The following FER variants were observed in gnomAD, a reference collection of about 807,000 sequenced individuals.
FER encodes the protein tyrosine-protein kinase Fer.
Under a neutral mutation model 111.0 loss-of-function variants are expected in FER, and 63 were observed. The ratio of observed to expected loss-of-function variants is 0.57; its 90% CI spans 0.46 to 0.70. FER has a LOEUF of 0.70. Among genes scored for constraint, FER ranks in the 30% least tolerant of loss-of-function variants. FER has a pLI of 0.00. For synonymous variants in FER, 327 were observed against 313.9 expected (o/e 1.04, Z -0.44); for missense variants, 914 against 954.0 (o/e 0.96, Z 0.55).
rs1044931098 is a variant in FER at position 109,090,964 on chromosome 5, T to C, written c.1925-9432T>C. Among the ~76,000 whole-genome samples the C allele has an allele frequency of 6.6e-5, 10 of 152,160 alleles. No homozygotes were observed. The East Asian group carries it at 1.9e-3, about 30-fold the overall frequency. ...CTTCTCTTGAATGCTTCTAGGAAAA[T>C]GTGAGAAGACAGATACAGATTAAAG... On this transcript the variant is annotated intron_variant, in intron 16 of 19. Transcript: ENST00000281092.
chr5:108,791,584 A>G (rs943671375), intron 2 of FER, among the ~76,000 whole-genome samples: 3 of 149,286 alleles, frequency 2.0e-5, no homozygotes, highest in Non-Finnish European at 4.4e-5. Flanking sequence ...TGATATATAT[A>G]TATACATATA....
At chr5:109,140,766 C>G (rs1358916480) in intron 17 of FER, among the ~76,000 whole-genome samples, 2 of 152,100 alleles carry the variant, frequency 1.3e-5, no homozygotes, top group African/African-American at 4.8e-5. Flanking sequence ...TCTGAGCCAT[C>G]TGATAATAGG....
intron 4 of FER, 71 bp from the exon 5 acceptor site, chr5:108,835,637 T>A (rs928315046): frequency 1.8e-5 from 18 of 985,888 alleles, no homozygotes; most frequent in Non-Finnish European, 2.7e-5. Flanking sequence ...GTTAATACTT[T>A]GGAATTTAAG....
chr5:109,026,225 A>G (rs1768713664), intron 13 of FER, among the ~76,000 whole-genome samples: 1 of 152,204 alleles, frequency 6.6e-6, no homozygotes, highest in Non-Finnish European at 1.5e-5. Context: ...TACACATACA[A>G]GAACTATTTT....
At chr5:108,820,736 T>C (rs1343304660) in intron 3 of FER, among the ~76,000 whole-genome samples, 3 of 152,176 alleles carry the variant, frequency 2.0e-5, no homozygotes, top group Non-Finnish European at 2.9e-5. Context: ...TTTAAAAAAT[T>C]TAGTCTTTGT....
chr5:109,166,617 T>G (rs1756585182), intron 17 of FER, among the ~76,000 whole-genome samples: 1 of 152,196 alleles, frequency 6.6e-6, no homozygotes, highest in African/African-American at 2.4e-5. Flanking sequence ...ACACAACTGT[T>G]TATTTCTTAT....
chr5:108,883,903 A>T (rs1213523684), intron 9 of FER, among the ~76,000 whole-genome samples: 1 of 151,898 alleles, frequency 6.6e-6, no homozygotes, highest in African/African-American at 2.4e-5. Context: ...AATAGTCTCT[A>T]CTCTGTTAAA....
intron 13 of FER, among the ~76,000 whole-genome samples, chr5:108,991,189 C>T (rs1298012860): frequency 6.6e-6 from 1 of 151,642 alleles, no homozygotes; most frequent in Non-Finnish European, 1.5e-5. Flanking sequence ...CATAGCATGT[C>T]TGTCTCATTT....
At chr5:109,165,569 C>A (rs528686770) in intron 17 of FER, among the ~76,000 whole-genome samples, 2 of 150,822 alleles carry the variant, frequency 1.3e-5, no homozygotes, top group South Asian at 4.2e-4. Context: ...AAAGTGCACA[C>A]CACACAGGTG....
intron 13 of FER, among the ~76,000 whole-genome samples, chr5:109,022,189 G>T (rs1459542520): frequency 1.3e-5 from 2 of 151,990 alleles, no homozygotes; most frequent in Non-Finnish European, 2.9e-5. Context: ...CAGCAACCCT[G>T]AGCCCACTTC....
chr5:108,951,776 C>T (rs1414752509), intron 11 of FER, among the ~76,000 whole-genome samples: 2 of 151,864 alleles, frequency 1.3e-5, no homozygotes, highest in Non-Finnish European at 2.9e-5. Flanking sequence ...AGAATCTAGA[C>T]CAGATATTTT....
chr5:109,176,589 A>G (rs1360545111), intron 17 of FER, among the ~76,000 whole-genome samples: 1 of 152,134 alleles, frequency 6.6e-6, no homozygotes. Context: ...AATAAGGTTA[A>G]TTTATTCTAT....
chr5:109,129,897 A>G (rs1401127111), intron 17 of FER, among the ~76,000 whole-genome samples: 1 of 152,072 alleles, frequency 6.6e-6, no homozygotes, highest in Non-Finnish European at 1.5e-5. Context: ...TTTTTGGGAA[A>G]ATCCTACATC....
intron 3 of FER, among the ~76,000 whole-genome samples, chr5:108,816,077 A>C (rs1175688920): frequency 2.6e-5 from 4 of 152,042 alleles, no homozygotes; most frequent in Non-Finnish European, 5.9e-5. Context: ...CCGCCCCCCC[A>C]AACACACACA....
intron 2 of FER, among the ~76,000 whole-genome samples, chr5:108,782,030 T>A (rs1207158438): frequency 6.6e-6 from 1 of 152,138 alleles, no homozygotes; most frequent in Non-Finnish European, 1.5e-5. Flanking sequence ...TCCCCCTGGC[T>A]TTTTAAGTTT....
chr5:108,881,243 G>T (rs184369148), intron 8 of FER, among the ~76,000 whole-genome samples: 2 of 152,254 alleles, frequency 1.3e-5, no homozygotes, highest in East Asian at 3.9e-4. Context: ...GGAAGACAAA[G>T]AAGTTTAATG....
chr5:109,112,068 C>CT (rs35931371), intron 17 of FER, among the ~76,000 whole-genome samples: 2 of 151,806 alleles, frequency 1.3e-5, no homozygotes, highest in East Asian at 3.9e-4. Context: ...GTTTTATTTG[C>CT]TTTTTGTGGG....
intron 1 of FER, among the ~76,000 whole-genome samples, chr5:108,761,844 T>C (rs948201141): frequency 6.6e-6 from 1 of 152,208 alleles, no homozygotes; most frequent in African/African-American, 2.4e-5. Context: ...TCCTTCACTT[T>C]CTGTTATTGA....
intron 5 of FER, among the ~76,000 whole-genome samples, chr5:108,851,594 G>A (rs1762552124): frequency 6.6e-6 from 1 of 152,022 alleles, no homozygotes; most frequent in South Asian, 2.1e-4. Flanking sequence ...TAAATATAAT[G>A]CATGCCAATT....
Sources: gnomAD v4.1 joint callset for allele counts (sites outside exome capture counted in the v4.1 genomes callset) on GRCh38, gnomAD v4.1.1 for gene constraint, MANE v1.5 for transcripts, NCBI Gene and HGNC (gene_info 2026-07-23, HGNC 2026-07-21) for gene names.